GABRG3: variants seen among roughly 807,000 people sequenced by gnomAD.
GABRG3 encodes the protein gamma-aminobutyric acid receptor subunit gamma-3.
GABRG3 carries 25 observed loss-of-function variants against 48.8 expected under a neutral mutation model. That is an observed-to-expected ratio of 0.51 (90% CI 0.37 to 0.72). The LOEUF is 0.72. Among genes scored for constraint, GABRG3 ranks in the 30% least tolerant of loss-of-function variants. GABRG3 has a pLI of 0.00. For missense variants in GABRG3, 394 were observed against 577.9 expected (o/e 0.68, Z 3.26); for synonymous variants, 227 against 217.6 (o/e 1.04, Z -0.38).
At chr15:27,317,178 C>A (rs1030095016) in intron 3 of GABRG3, among the ~76,000 whole-genome samples, 3 of 152,154 alleles carry the variant, frequency 2.0e-5, no homozygotes, top group East Asian at 3.9e-4. Flanking sequence ...CACATTCCTT[C>A]TGTGTTTCTG....
intron 3 of GABRG3, among the ~76,000 whole-genome samples, chr15:27,291,457 C>A (rs2140486622): frequency 6.6e-6 from 1 of 152,262 alleles, no homozygotes; most frequent in Non-Finnish European, 1.5e-5. Flanking sequence ...AAACATTAAT[C>A]ATTATAATCA....
rs1887746189 is a variant in GABRG3 at position 27,176,359 on chromosome 15, T to C, written c.270+149538T>C. Among the ~76,000 whole-genome samples the C allele has an allele frequency of 2.6e-5, 4 of 152,146 alleles. No individual in the cohort carries two copies. The South Asian group carries it at 8.3e-4, about 32-fold the overall frequency. ...AAAACGCTGAGTTCAATAAAAGTAATAGTATTTCTTTTCTAACCACTCATT... is the reference window on the plus strand; with the variant it reads ...AAAACGCTGAGTTCAATAAAAGTAACAGTATTTCTTTTCTAACCACTCATT... On this transcript the variant is annotated intron_variant, in intron 3 of 9. Coordinates refer to ENST00000615808, the MANE Select transcript of GABRG3 (RefSeq NM_033223.5).
chr15:27,393,173 T>A (rs1330503613), intron 5 of GABRG3, among the ~76,000 whole-genome samples: 1 of 151,836 alleles, frequency 6.6e-6, no homozygotes, highest in Non-Finnish European at 1.5e-5. Flanking sequence ...TGAAACCCCA[T>A]CTCTACTAAA....
At chr15:27,114,106 A>T (rs1897602181) in intron 3 of GABRG3, among the ~76,000 whole-genome samples, 1 of 152,186 alleles carries the variant, frequency 6.6e-6, no homozygotes, top group Non-Finnish European at 1.5e-5. Context: ...ATATACTTTC[A>T]ATAGTTTTTA....
chr15:27,221,223 C>G (rs1041011695), intron 3 of GABRG3, among the ~76,000 whole-genome samples: 2 of 152,058 alleles, frequency 1.3e-5, no homozygotes, highest in African/African-American at 4.8e-5. Flanking sequence ...TCTTCAGTGA[C>G]CTTTTTTGTA....
In GABRG3 at chr15:27,294,223, C is replaced by CTT. The variant is rs1162063750; in HGVS notation, c.271-32568_271-32567dup. On this transcript the variant is annotated intron_variant, in intron 3 of 9. Transcript: ENST00000615808. ...CCTGCTACCTTTTCTTTTCTTTTTC[C>CTT]TTTTTTTTTTTTTTTTTTTGAGACA... Among the ~76,000 whole-genome samples, 1,017 of 129,278 alleles carry CTT rather than the reference C, an allele frequency of 7.9e-3. 25 individuals are homozygous for CTT. Among genetic ancestry groups the CTT allele is most frequent in the East Asian group, 0.078 (358 of 4,594 alleles). 84.8% of individuals were successfully genotyped at this position (129,278 alleles called of 152,430 possible). A position where few individuals can be genotyped will look rare whatever the true frequency, so the allele number is the denominator to read the frequency against.
At chr15:27,280,775 T>C (rs1566991906) in intron 3 of GABRG3, among the ~76,000 whole-genome samples, 1 of 152,202 alleles carries the variant, frequency 6.6e-6, no homozygotes, top group South Asian at 2.1e-4. Context: ...AAATGTTTGA[T>C]GACTGCAAGA....
At chr15:27,261,330 G>T (rs1368082906) in intron 3 of GABRG3, among the ~76,000 whole-genome samples, 2 of 151,978 alleles carry the variant, frequency 1.3e-5, no homozygotes, top group South Asian at 2.1e-4. Flanking sequence ...AAATCAAGAT[G>T]TATTTTAATG....
intron 3 of GABRG3, among the ~76,000 whole-genome samples, chr15:27,302,204 A>G (rs955844733): frequency 6.6e-6 from 1 of 152,130 alleles, no homozygotes; most frequent in African/African-American, 2.4e-5. Context: ...AATACATAAA[A>G]GTGTCTGATA....
At chr15:27,287,756 T>TTG (rs397947640) in intron 3 of GABRG3, among the ~76,000 whole-genome samples, 1 of 149,216 alleles carries the variant, frequency 6.7e-6, no homozygotes, top group African/African-American at 2.5e-5. Flanking sequence ...TTTTTTTTTT[T>TTG]GAGATGGAGT....
chr15:27,287,071 T>C (rs1595640017), intron 3 of GABRG3, among the ~76,000 whole-genome samples: 1 of 152,356 alleles, frequency 6.6e-6, no homozygotes, highest in East Asian at 1.9e-4. Flanking sequence ...ATTCCATACC[T>C]TCATTTTTCT....
intron 5 of GABRG3, among the ~76,000 whole-genome samples, chr15:27,404,997 C>G (rs1436720937): frequency 3.3e-5 from 5 of 152,066 alleles, no homozygotes; most frequent in African/African-American, 1.2e-4. Flanking sequence ...AGCAAAAGAG[C>G]AAGTGTGATA....
intron 2 of GABRG3, among the ~76,000 whole-genome samples, chr15:27,016,309 A>G (rs1895778813): frequency 1.3e-5 from 2 of 148,374 alleles, no homozygotes; most frequent in African/African-American, 5.0e-5. Context: ...CTATGACTTC[A>G]GCTTTACTTT....
intron 3 of GABRG3, among the ~76,000 whole-genome samples, chr15:27,146,769 A>G (rs1234648438): frequency 6.6e-6 from 1 of 152,124 alleles, no homozygotes; most frequent in Non-Finnish European, 1.5e-5. Flanking sequence ...TAGGGTAGCA[A>G]CTAAGAAAAT....
In GABRG3 at chr15:26,971,301, C is replaced by G. The variant is rs28399523; in HGVS notation, c.-235C>G. 4.6e-6 allele frequency: 1 copy of G among 216,018 alleles called. No individual in the cohort carries two copies. Among genetic ancestry groups the G allele is most frequent in the Non-Finnish European group, 9.1e-6 (1 of 109,984 alleles). The allele number at this position is 216,018 out of a possible 1,614,324, so 13.4% of individuals were successfully genotyped here. ...GCTCCCGCCGCCCGGTTGCGCGGAC[C>G]GGCGCTAGTGCGCGGGTGGGGGCGG... is the stretch of plus-strand genomic sequence containing the variant. On this transcript the variant is annotated 5_prime_UTR_variant, in exon 1 of 10. Coordinates refer to ENST00000615808, the MANE Select transcript of GABRG3 (RefSeq NM_033223.5).
intron 3 of GABRG3, among the ~76,000 whole-genome samples, chr15:27,246,577 C>G (rs902920306): frequency 6.6e-6 from 1 of 152,104 alleles, no homozygotes; most frequent in African/African-American, 2.4e-5. Flanking sequence ...GAAAACCTTT[C>G]TTAGCTTAAA....
At chr15:27,064,710 A>T (rs1238534634) in intron 3 of GABRG3, among the ~76,000 whole-genome samples, 2 of 152,138 alleles carry the variant, frequency 1.3e-5, no homozygotes, top group Non-Finnish European at 2.9e-5. Context: ...CACGCAACCC[A>T]CAGGAGGGCC....
At chr15:27,522,673 ATAG>A (rs1438755999) in intron 7 of GABRG3, among the ~76,000 whole-genome samples, 2 of 151,818 alleles carry the variant, frequency 1.3e-5, no homozygotes, top group African/African-American at 4.8e-5. Context: ...GTATGAAAAT[ATAG>A]TAAAAAGCAT....
intron 3 of GABRG3, among the ~76,000 whole-genome samples, chr15:27,321,247 G>T (rs1319022602): frequency 6.6e-6 from 1 of 152,194 alleles, no homozygotes; most frequent in East Asian, 1.9e-4. Flanking sequence ...GTCCTCAGGG[G>T]TGTTAGTCTT....
Sources: allele counts gnomAD v4.1 joint callset (sites outside exome capture counted in the v4.1 genomes callset), GRCh38; gene constraint gnomAD v4.1.1; transcripts MANE v1.5; gene names NCBI Gene and HGNC (gene_info 2026-07-23, HGNC 2026-07-21).